SLC26A4: variants seen among roughly 807,000 people sequenced by gnomAD.
The protein encoded by SLC26A4 is pendrin.
Under a neutral mutation model 90.4 loss-of-function variants are expected in SLC26A4, and 93 were observed. The observed-to-expected ratio is 1.03, with a 90% CI of 0.87 to 1.22. The LOEUF is 1.22. SLC26A4 is among the 50% of genes most tolerant of loss of function. The pLI is 0.00. For missense variants in SLC26A4, 1,127 were observed against 946.2 expected, an observed-to-expected ratio of 1.19 and a Z score of -2.51; for synonymous variants, 393 against 354.6, an observed-to-expected ratio of 1.11 and a Z score of -1.22.
intron 6 of SLC26A4, among the ~76,000 whole-genome samples, chr7:107,681,384 A>G (rs1358716954): frequency 6.6e-6 from 1 of 152,208 alleles, no homozygotes; most frequent in Non-Finnish European, 1.5e-5. Flanking sequence ...TAGATTACTT[A>G]AGGTTCATTA....
intron 6 of SLC26A4, among the ~76,000 whole-genome samples, 194 bp downstream of exon 6, chr7:107,675,303 A>AAG (rs1554355147): frequency 1.9e-4 from 27 of 143,902 alleles, no homozygotes; most frequent in African/African-American, 6.4e-4. Context: ...AAAAAAAAAA[A>AAG]AAAGAAAGAA....
At chr7:107,685,445 TCTC>T (rs1791369187) in intron 8 of SLC26A4, among the ~76,000 whole-genome samples, 1 of 152,112 alleles carries the variant, frequency 6.6e-6, no homozygotes, top group Non-Finnish European at 1.5e-5. Flanking sequence ...CCCCTTTTGA[TCTC>T]CTCCCTGCTT....
At chr7:107,674,710 T>C (rs1790974114) in intron 5 of SLC26A4, among the ~76,000 whole-genome samples, 1 of 152,212 alleles carries the variant, frequency 6.6e-6, no homozygotes, top group Non-Finnish European at 1.5e-5. Context: ...CTTTTCTAAG[T>C]ACATGTATAG....
intron 4 of SLC26A4, among the ~76,000 whole-genome samples, chr7:107,672,502 G>C (rs1015156412): frequency 1.3e-5 from 2 of 151,382 alleles, no homozygotes; most frequent in African/African-American, 4.8e-5. Flanking sequence ...TAATGAAGTG[G>C]AAAAATAAAA....
At chr7:107,662,005 G>C (rs190864549) in intron 2 of SLC26A4, 200 bp downstream of exon 2, 16 of 620,204 alleles carry the variant, frequency 2.6e-5, no homozygotes, top group Non-Finnish European at 3.9e-5. Context: ...CATCAGTCTC[G>C]GGCCCGAAAT....
At chr7:107,697,929 G>T (rs138720575) in intron 13 of SLC26A4, 113 bp from the exon 14 acceptor site, 4 of 740,772 alleles carry the variant, frequency 5.4e-6, no homozygotes, top group African/African-American at 5.2e-5. Context: ...CTGCAATAAA[G>T]ACAGAGTCCA....
At chr7:107,681,687 G>C (rs1791233825) in intron 6 of SLC26A4, among the ~76,000 whole-genome samples, 1 of 151,932 alleles carries the variant, frequency 6.6e-6, no homozygotes, top group South Asian at 2.1e-4. Context: ...TTCTTCCTTG[G>C]GATTCTTCCT....
At chr7:107,685,438 C>T (rs1293104621) in intron 8 of SLC26A4, among the ~76,000 whole-genome samples, 1 of 152,154 alleles carries the variant, frequency 6.6e-6, no homozygotes, top group African/African-American at 2.4e-5. Context: ...GATATGCCCC[C>T]TTTTGATCTC....
At chr7:107,696,078 AAC>A in intron 13 of SLC26A4, 39 bp downstream of exon 13, 1 of 1,100,966 alleles carries the variant, frequency 9.1e-7, no homozygotes, top group Non-Finnish European at 1.4e-6. Flanking sequence ...TAAACAGAAC[AAC>A]ACACTCTGAG....
At chr7:107,710,007 A>C in intron 18 of SLC26A4, 47 bp from the exon 19 acceptor site, 1 of 1,560,540 alleles carries the variant, frequency 6.4e-7, no homozygotes, top group South Asian at 1.1e-5. Flanking sequence ...ACAAACAAAA[A>C]TTTCTTTTCC....
rs1205271764 is a variant in SLC26A4 at position 107,680,044 on chromosome 7, CTTA to C, written c.766-3153_766-3151del. Reference sequence around the variant, plus strand: ...ATCTTATTATATAATATAATCTTATCTTATTATATAATATAATCTTATTATATA... The same window carrying C: ...ATCTTATTATATAATATAATCTTATCTTATATAATATAATCTTATTATATA... On this transcript the variant is annotated intron_variant, in intron 6 of 20. Transcript: ENST00000644269. Among the ~76,000 whole-genome samples, 8 of 127,236 alleles carry C rather than the reference CTTA, an allele frequency of 6.3e-5. No individual in the cohort carries two copies. The South Asian group carries it at 1.4e-3, about 23-fold the overall frequency. The allele number at this position is 127,236 out of a possible 152,430, so 83.5% of individuals were successfully genotyped here. A position where few individuals can be genotyped will look rare whatever the true frequency, so the allele number is the denominator to read the frequency against.
chr7:107,715,419 A>G lies in SLC26A4; in HGVS notation c.2320-4A>G, dbSNP rs727503432. The G allele has an allele frequency of 6.2e-7, 1 of 1,613,070 alleles. No homozygotes were observed. The highest frequency in any genetic ancestry group is 1.7e-4 in the Middle Eastern group (1 of 6,060). Reference sequence around the variant, plus strand: ...AACACTTTGTTTTCCCCTTGCTTCCACAGGCTATGCGTACACTTGCATCCT... The same window carrying G: ...AACACTTTGTTTTCCCCTTGCTTCCGCAGGCTATGCGTACACTTGCATCCT... On this transcript the variant is annotated splice_region_variant and splice_polypyrimidine_tract_variant and intron_variant, in intron 20 of 20. Coordinates refer to ENST00000644269, the MANE Select transcript of SLC26A4 (RefSeq NM_000441.2).
At chr7:107,698,649 A>G (rs527491015) in intron 14 of SLC26A4, among the ~76,000 whole-genome samples, 1 of 152,204 alleles carries the variant, frequency 6.6e-6, no homozygotes, top group South Asian at 2.1e-4. Context: ...AAACTGTTGT[A>G]AGAGGAATTT....
intron 10 of SLC26A4, chr7:107,691,809 AG>A: frequency 3.0e-6 from 3 of 1,016,844 alleles, no homozygotes; most frequent in Non-Finnish European, 3.5e-6. Context: ...GCTCTGAGGG[AG>A]CAGGTAAAAT....
chr7:107,662,014 A>G (rs998456061), intron 2 of SLC26A4: 3 of 605,088 alleles, frequency 5.0e-6, no homozygotes, highest in African/African-American at 3.8e-5. Context: ...CGGGCCCGAA[A>G]TGAACTTACC....
intron 6 of SLC26A4, among the ~76,000 whole-genome samples, chr7:107,677,068 T>C (rs1791042454): frequency 6.6e-6 from 1 of 152,094 alleles, no homozygotes; most frequent in South Asian, 2.1e-4. Context: ...TCCCAGCTAC[T>C]TGGGAGGCTG....
At chr7:107,678,648 A>G (rs1324534215) in intron 6 of SLC26A4, among the ~76,000 whole-genome samples, 2 of 152,112 alleles carry the variant, frequency 1.3e-5, no homozygotes, top group Non-Finnish European at 2.9e-5. Flanking sequence ...ACAGCATAGA[A>G]TTTTGCAAGA....
At chr7:107,676,405 T>A (rs148816394) in intron 6 of SLC26A4, among the ~76,000 whole-genome samples, 6 of 152,324 alleles carry the variant, frequency 3.9e-5, no homozygotes, top group African/African-American at 1.4e-4. Context: ...AAATGCATAA[T>A]GTAAATGTCT....
chr7:107,663,582 C>G (rs1277506925), intron 3 of SLC26A4, 147 bp downstream of exon 3: 2 of 870,396 alleles, frequency 2.3e-6, no homozygotes, highest in East Asian at 2.5e-5. Flanking sequence ...AGTCACCTCT[C>G]TTCTCCCCTT....
Sources: allele counts gnomAD v4.1 joint callset (sites outside exome capture counted in the v4.1 genomes callset), GRCh38; gene constraint gnomAD v4.1.1; transcripts MANE v1.5; gene names NCBI Gene and HGNC (gene_info 2026-07-23, HGNC 2026-07-21).